Variants in SPATS2 observed in about 807,000 individuals in gnomAD.
SPATS2 encodes the protein spermatogenesis-associated serine-rich protein 2.
Under a neutral mutation model 63.7 loss-of-function variants are expected in SPATS2, and 38 were observed. The ratio of observed to expected loss-of-function variants is 0.60; its 90% CI spans 0.46 to 0.78. The LOEUF (loss-of-function observed/expected upper bound fraction) is 0.78. Ranked by LOEUF, SPATS2 falls within the 30% of genes least tolerant of loss-of-function variation. The probability of loss-of-function intolerance (pLI) is 0.00; values close to 1 mark genes in which losing one functional copy is unlikely to be tolerated. For missense variants in SPATS2, 588 were observed against 666.2 expected (o/e 0.88, Z 1.29); for synonymous variants, 207 against 232.9 (o/e 0.89, Z 1.01).
chr12:49,456,595 G>A (rs1945723299), intron 2 of SPATS2, among the ~76,000 whole-genome samples: 1 of 152,212 alleles, frequency 6.6e-6, no homozygotes, highest in African/African-American at 2.4e-5. Flanking sequence ...AAATAGCAGC[G>A]AGAGTGGCAG....
chr12:49,526,188 C>CT lies in SPATS2; in HGVS notation c.1573dup (p.Ser525PhefsTer17). The CT allele has an allele frequency of 6.2e-7, 1 of 1,614,182 alleles. No individual in the cohort carries two copies. Among genetic ancestry groups the CT allele is most frequent in the Non-Finnish European group, 8.5e-7 (1 of 1,180,032 alleles). The stretch of plus-strand genomic sequence containing the variant: ...AGCATGGAGCCCAGCCCTCCCACGC[C>CT]TTCATTCAAAAAGGGGCTCCCCCAG... On this transcript the variant is annotated frameshift_variant, in exon 14 of 14. Coordinates refer to ENST00000552918, the MANE Select transcript of SPATS2 (RefSeq NM_023071.4). LOFTEE classifies it high-confidence loss of function.
intron 2 of SPATS2, among the ~76,000 whole-genome samples, chr12:49,425,262 G>A (rs1315606536): frequency 6.6e-6 from 1 of 152,018 alleles, no homozygotes; most frequent in Non-Finnish European, 1.5e-5. Flanking sequence ...AAAATAATTT[G>A]TATTGGTTCA....
intron 6 of SPATS2, among the ~76,000 whole-genome samples, chr12:49,491,895 A>C (rs1946388719): frequency 6.6e-6 from 1 of 152,176 alleles, no homozygotes; most frequent in Non-Finnish European, 1.5e-5. Flanking sequence ...TGCTTGAAGT[A>C]TGGATTTTAA....
intron 2 of SPATS2, among the ~76,000 whole-genome samples, chr12:49,388,749 C>T (rs1944366026): frequency 1.3e-5 from 2 of 150,828 alleles, no homozygotes; most frequent in African/African-American, 2.4e-5. Flanking sequence ...GGCTGGAGTG[C>T]AGTGGCATAA....
chr12:49,370,011 G>C (rs1251451461), intron 1 of SPATS2, among the ~76,000 whole-genome samples: 1 of 152,222 alleles, frequency 6.6e-6, no homozygotes, highest in Non-Finnish European at 1.5e-5. Flanking sequence ...GCCTGAGGGA[G>C]GAGCCACAGG....
chr12:49,417,356 C>G (rs891279298), intron 2 of SPATS2, among the ~76,000 whole-genome samples: 2 of 152,172 alleles, frequency 1.3e-5, no homozygotes, highest in Admixed American at 1.3e-4. Context: ...TTTCTTAATT[C>G]TTGTAGGGAT....
intron 2 of SPATS2, among the ~76,000 whole-genome samples, chr12:49,374,945 C>T (rs993398897): frequency 1.2e-4 from 13 of 107,704 alleles, no homozygotes; most frequent in South Asian, 6.1e-4. Context: ...TGGGAAACAG[C>T]GAGGATCTGT....
At chr12:49,512,901 C>G in intron 9 of SPATS2, 1 of 1,289,024 alleles carries the variant, frequency 7.8e-7, no homozygotes, top group Non-Finnish European at 1.0e-6. Context: ...CAAAATATTG[C>G]CAAGGTTTGG....
At chr12:49,427,864 C>G (rs1047050625) in intron 2 of SPATS2, among the ~76,000 whole-genome samples, 3 of 152,066 alleles carry the variant, frequency 2.0e-5, no homozygotes, top group African/African-American at 2.4e-5. Flanking sequence ...TATTGGTATT[C>G]TTTGCATTTT....
At chr12:49,453,002 A>C (rs1393551013) in intron 2 of SPATS2, among the ~76,000 whole-genome samples, 1 of 151,568 alleles carries the variant, frequency 6.6e-6, no homozygotes, top group East Asian at 1.9e-4. Context: ...CTAAAAATAC[A>C]AAAAAAATTA....
intron 2 of SPATS2, among the ~76,000 whole-genome samples, chr12:49,458,548 G>A (rs1264261630): frequency 6.6e-6 from 1 of 151,928 alleles, no homozygotes; most frequent in Non-Finnish European, 1.5e-5. Context: ...GGGAGGCCAA[G>A]GCGGGCAGAT....
At chr12:49,463,913 A>G (rs1048770700) in intron 3 of SPATS2, among the ~76,000 whole-genome samples, 2 of 152,250 alleles carry the variant, frequency 1.3e-5, no homozygotes, top group African/African-American at 4.8e-5. Context: ...AGTCAGTTTC[A>G]GTTAAAACTA....
At chr12:49,510,691 T>A (rs1005537896) in intron 9 of SPATS2, among the ~76,000 whole-genome samples, 1 of 151,994 alleles carries the variant, frequency 6.6e-6, no homozygotes, top group Non-Finnish European at 1.5e-5. Flanking sequence ...TTGTCAAGAG[T>A]TGTGTTTCCA....
intron 1 of SPATS2, among the ~76,000 whole-genome samples, chr12:49,370,627 CAA>C (rs2137129298): frequency 6.6e-6 from 1 of 152,278 alleles, no homozygotes; most frequent in South Asian, 2.1e-4. Context: ...CCACTTTTCT[CAA>C]TATGTTTGAC....
intron 2 of SPATS2, among the ~76,000 whole-genome samples, chr12:49,427,909 T>C (rs1945109383): frequency 6.6e-6 from 1 of 152,152 alleles, no homozygotes; most frequent in South Asian, 2.1e-4. Flanking sequence ...GTCTTCTTGC[T>C]GGGTCAAGAA....
intron 12 of SPATS2, 48 bp downstream of exon 12, chr12:49,522,901 A>G (rs754479225): frequency 8.6e-6 from 13 of 1,503,258 alleles, no homozygotes; most frequent in Non-Finnish European, 1.2e-5. Context: ...ATTATTAATT[A>G]GAGACTGACG....
At chr12:49,389,733 A>G (rs1592351125) in intron 2 of SPATS2, 1 of 1,545,768 alleles carries the variant, frequency 6.5e-7, no homozygotes. Flanking sequence ...CCAGCAAGAA[A>G]ACAGACAAAT....
At chr12:49,396,286 GT>G (rs1367615498) in intron 2 of SPATS2, among the ~76,000 whole-genome samples, 3 of 152,160 alleles carry the variant, frequency 2.0e-5, no homozygotes, top group Non-Finnish European at 4.4e-5. Flanking sequence ...CATGTCATAT[GT>G]TTTCCATAGC....
In SPATS2 at chr12:49,514,630, T is replaced by G. The variant is rs774374651; in HGVS notation, c.898+17T>G. The G allele has an allele frequency of 6.2e-7, 1 of 1,611,118 alleles. No homozygotes were observed. The highest frequency in any genetic ancestry group is 1.7e-5 in the Admixed American group (1 of 59,846). The stretch of plus-strand genomic sequence containing the variant: ...CTGAAGCAAGTAAGATGATTGATCT[T>G]TAATTAAAGCTATTACCTTCATAAA... On this transcript the variant is annotated intron_variant, in intron 10 of 13. Coordinates refer to ENST00000552918, the MANE Select transcript of SPATS2 (RefSeq NM_023071.4).
Sources: allele counts gnomAD v4.1 joint callset (sites outside exome capture counted in the v4.1 genomes callset), GRCh38; gene constraint gnomAD v4.1.1; transcripts MANE v1.5; gene names NCBI Gene and HGNC (gene_info 2026-07-23, HGNC 2026-07-21).